MUC3A: variants seen among roughly 807,000 people sequenced by gnomAD.
MUC3A encodes mucin 3A, cell surface associated.
Under a neutral mutation model 109.0 loss-of-function variants are expected in MUC3A, and 109 were observed. The observed-to-expected ratio is 1.00, with a 90% CI of 0.86 to 1.17. The LOEUF (loss-of-function observed/expected upper bound fraction) is 1.17, where lower values mean the gene tolerates loss of function less well. Ranked by LOEUF, MUC3A falls within the 50% of genes most tolerant of loss-of-function variation. MUC3A has a pLI of 0.00. For missense variants in MUC3A, 3,537 were observed against 2,469.4 expected (o/e 1.43, Z -9.16); for synonymous variants, 1,398 against 981.4 (o/e 1.42, Z -7.93).
chr7:100,950,490 C>T (rs930452531), intron 1 of MUC3A, among the ~76,000 whole-genome samples: 1 of 150,854 alleles, frequency 6.6e-6, no homozygotes, highest in African/African-American at 2.4e-5. Context: ...ATCCTGGAGC[C>T]AAGGGCTGTA....
chr7:100,964,666 G>C, intron 5 of MUC3A, 29 bp from the exon 6 acceptor site: 1 of 1,580,884 alleles, frequency 6.3e-7, no homozygotes, highest in Non-Finnish European at 8.6e-7. Context: ...TCCTGGCTGG[G>C]GCACTCTCTA....
chr7:100,964,684 G>A lies in MUC3A; in HGVS notation c.9234-11G>A, dbSNP rs746423002. On this transcript the variant is annotated splice_polypyrimidine_tract_variant and intron_variant, in intron 5 of 11. Coordinates refer to ENST00000379458, the MANE Select transcript of MUC3A (RefSeq NM_005960.2). ...TGGCTGGGGCACTCTCTAAGGCTGT[G>A]GACCCCTCAGGAATGGCAGCATCGT... The A allele has an allele frequency of 4.2e-5, 67 of 1,597,450 alleles. No homozygotes were observed. In the Middle Eastern group the frequency reaches 8.3e-4, roughly 20 times the overall value.
rs1203245820 is a variant in MUC3A, at chr7:100,952,519, C to G, written c.740C>G (p.Thr247Ser). ...HTTTSPTPVFTTLKTAVTSTS... is the reference protein window; with the variant it reads ...HTTTSPTPVFSTLKTAVTSTS... Reference sequence around the variant, plus strand: ...ACCACGTCCCCAACCCCAGTATTTACTACTCTCAAAACAGCAGTGACTTCC... The same window carrying G: ...ACCACGTCCCCAACCCCAGTATTTAGTACTCTCAAAACAGCAGTGACTTCC... The change falls in exon 2 of 12, where the codon ACT (threonine) becomes AGT (serine). Residue 247 changes from threonine (T) to serine (S), a missense_variant. Coordinates refer to ENST00000379458, the MANE Select transcript of MUC3A (RefSeq NM_005960.2). 2 of 1,598,504 alleles carry G rather than the reference C, an allele frequency of 1.3e-6. No homozygotes were observed.
Position 100,965,285 on chromosome 7 carries a change from T to C in MUC3A, c.9386T>C (p.Leu3129Pro). 6.3e-7 allele frequency: 1 copy of C among 1,599,108 alleles called. No individual in the cohort carries two copies. Among genetic ancestry groups the C allele is most frequent in the Non-Finnish European group, 8.5e-7 (1 of 1,179,676 alleles). Residue 3129 changes from leucine to proline, a missense_variant, in exon 7 of 12, where the codon CTG becomes CCG. Physicochemically the swap from Leu to Pro is moderately conservative, Grantham distance 98. Transcript: ENST00000379458. ...DVNSCQDSQT[L>P]CFKPDSIKVN... The stretch of plus-strand genomic sequence containing the variant: ...ATCTGTGCCTGTGTTTCCGCAGCCC[T>C]GTGTTTTAAGCCTGACTCCATCAAG...
chr7:100,961,026 C>A (rs1028446046), intron 3 of MUC3A, 89 bp downstream of exon 3: 58 of 1,585,406 alleles, frequency 3.7e-5, no homozygotes, highest in Non-Finnish European at 4.9e-5. Flanking sequence ...GGCCTGGAGG[C>A]ACCCATGCCT....
chr7:100,964,094 A>G, intron 5 of MUC3A: 2 of 482,540 alleles, frequency 4.1e-6, no homozygotes, highest in Non-Finnish European at 3.7e-6. Flanking sequence ...AGAGAGGGAG[A>G]GAACGCACGT....
chr7:100,965,704 C>A lies in MUC3A; in HGVS notation c.9449C>A (p.Ala3150Asp). ...NNSKTELTPA[A>D]ICRRAAPTGY... ...GTGCATCCCCCTCCCCAACCCCCAG[C>A]CATCTGCCGCCGCGCCGCTCCCACG... is the stretch of plus-strand genomic sequence containing the variant. Residue 3150 changes from alanine to aspartate, a missense_variant and splice_region_variant, in exon 8 of 12, where the codon GCC becomes GAC. Physicochemically the swap from Ala to Asp is moderately radical, Grantham distance 126. Coordinates refer to ENST00000379458, the MANE Select transcript of MUC3A (RefSeq NM_005960.2). The A allele has an allele frequency of 6.3e-7, 1 of 1,596,378 alleles. No individual in the cohort carries two copies. The highest frequency in any genetic ancestry group is 8.5e-7 in the Non-Finnish European group (1 of 1,178,550).
chr7:100,959,274 A>C lies in MUC3A; in HGVS notation c.7495A>C (p.Thr2499Pro), dbSNP rs1272021372. 1 of 1,591,766 alleles carries C rather than the reference A, an allele frequency of 6.3e-7. No individual in the cohort carries two copies. Among genetic ancestry groups the C allele is most frequent in the African/African-American group, 1.3e-5 (1 of 75,018 alleles). ...AACTCTCACCCCTTCGTCTGTGGGC[A>C]CCAGCACTTCATTGACTACAACCAC... ...LRTLTPSSVG[T>P]STSLTTTTDF... is the part of the protein sequence containing the mutation. The change falls in exon 2 of 12, where the codon ACC (threonine) becomes CCC (proline). Residue 2499 changes from threonine to proline, a missense_variant. Transcript: ENST00000379458.
Position 100,960,179 on chromosome 7 carries a change from C to G in MUC3A, c.8400C>G (p.Thr2800=), listed in dbSNP as rs780279519. ...DPSTEATSPP[T]TPLTVFPFTT... Reference sequence around the variant, plus strand: ...GCACTGAAGCTACTTCTCCTCCCACCACCCCATTAACAGTCTTTCCCTTTA... The same window carrying G: ...GCACTGAAGCTACTTCTCCTCCCACGACCCCATTAACAGTCTTTCCCTTTA... The change falls in exon 2 of 12, where the codon ACC becomes ACG. Residue 2800 remains threonine, a synonymous_variant. Transcript: ENST00000379458. 116 of 1,581,688 alleles carry G rather than the reference C, an allele frequency of 7.3e-5. No individual in the cohort carries two copies. Among genetic ancestry groups the G allele is most frequent in the Admixed American group, 2.0e-4 (12 of 59,328 alleles).
chr7:100,966,826 A>G lies in MUC3A; in HGVS notation c.9878-73A>G, dbSNP rs587752496. 158 of 1,598,370 alleles carry G rather than the reference A, an allele frequency of 9.9e-5. No homozygotes were observed. The South Asian group carries it at 1.6e-3, about 16-fold the overall frequency. ...CAGACGCCCTCCCTGCCTTCCTCGC[A>G]TTTACTCCGTCCCCCTCTCCCTTCC... is the stretch of plus-strand genomic sequence containing the variant. On this transcript the variant is annotated intron_variant, in intron 10 of 11. Coordinates refer to ENST00000379458, the MANE Select transcript of MUC3A (RefSeq NM_005960.2).
In MUC3A at chr7:100,949,539, C is replaced by A. The variant is rs1011406886; in HGVS notation, c.-86C>A. ...CAGCAAAACCGATAACCAGCACTTTCATTACGTGCACGCCCCAGGGCCACG... is the reference window on the plus strand; with the variant it reads ...CAGCAAAACCGATAACCAGCACTTTAATTACGTGCACGCCCCAGGGCCACG... On this transcript the variant is annotated 5_prime_UTR_variant, in exon 1 of 12. Coordinates refer to ENST00000379458, the MANE Select transcript of MUC3A (RefSeq NM_005960.2). 8.5e-7 allele frequency: 1 copy of A among 1,172,844 alleles called. No homozygotes were observed. Among genetic ancestry groups the A allele is most frequent in the South Asian group, 1.4e-5 (1 of 69,380 alleles). 72.7% of individuals were successfully genotyped at this position (1,172,844 alleles called of 1,614,324 possible). A position where few individuals can be genotyped will look rare whatever the true frequency, so the allele number is the denominator to read the frequency against.
At position 100,951,997 on chromosome 7, in the gene MUC3A, A is replaced by G. The variant is rs779498766; in HGVS notation, c.218A>G (p.Asn73Ser). The G allele has an allele frequency of 1.3e-6, 2 of 1,598,662 alleles. No individual in the cohort carries two copies. The highest frequency in any genetic ancestry group is 1.7e-6 in the Non-Finnish European group (2 of 1,179,818). Residue 73 changes from asparagine (N) to serine (S), a missense_variant, in exon 2 of 12, where the codon AAT (asparagine) becomes AGT (serine). By Grantham distance (46) the Asn-to-Ser change is conservative (BLOSUM62 1). Coordinates refer to ENST00000379458, the MANE Select transcript of MUC3A (RefSeq NM_005960.2). ...TCTCCTGCTCCTGGCCACAGGGAAAATGCACCTATGACACTCACTACCTCC... is the reference window on the plus strand; with the variant it reads ...TCTCCTGCTCCTGGCCACAGGGAAAGTGCACCTATGACACTCACTACCTCC... ...LASPAPGHRE[N>S]APMTLTTSPH... is the part of the protein sequence containing the mutation.
chr7:100,963,056 G>A, intron 3 of MUC3A, 95 bp from the exon 4 acceptor site: 2 of 1,384,244 alleles, frequency 1.4e-6, no homozygotes, highest in Non-Finnish European at 2.0e-6. Flanking sequence ...TTGGAGGGGA[G>A]CAGCAGGAGG....
Position 100,954,582 on chromosome 7 carries a change from A to G in MUC3A, c.2803A>G (p.Ser935Gly). 2.5e-6 allele frequency: 1 copy of G among 401,148 alleles called. No homozygotes were observed. Among genetic ancestry groups the G allele is most frequent in the Non-Finnish European group, 4.4e-6 (1 of 227,898 alleles). 24.8% of individuals were successfully genotyped at this position (401,148 alleles called of 1,614,324 possible). The stretch of plus-strand genomic sequence containing the variant: ...TATCTCCTCACCTCGAGGCACCACC[A>G]GTACACTCCACACAACAGTTGAATC... ...ESISSPRGTT[S>G]TLHTTVESTP... is the part of the protein sequence containing the mutation. Residue 935 changes from serine (S) to glycine (G), a missense_variant, in exon 2 of 12, where the codon AGT becomes GGT. By Grantham distance (56) the Ser-to-Gly change is moderately conservative (BLOSUM62 0). Transcript: ENST00000379458.
chr7:100,957,891 C>A lies in MUC3A; in HGVS notation c.6112C>A (p.His2038Asn). The A allele has an allele frequency of 1.5e-6, 1 of 659,850 alleles. No individual in the cohort carries two copies. Among genetic ancestry groups the A allele is most frequent in the South Asian group, 1.7e-5 (1 of 58,236 alleles). The allele number at this position is 659,850 out of a possible 1,614,324, so 40.9% of individuals were successfully genotyped here. The change falls in exon 2 of 12, where the codon CAT becomes AAT. Residue 2038 changes from histidine to asparagine, a missense_variant. Transcript: ENST00000379458. ...GATCACAACCACCGAGACCACATCC[C>A]ATAGTACTCCCAGCTTCACTTCTTC... ...SSITTTETTSHSTPSFTSSIT... is the reference protein window; with the variant it reads ...SSITTTETTSNSTPSFTSSIT...
rs1460074369 is a variant in MUC3A, at chr7:100,958,190, C to T, written c.6411C>T (p.Ala2137=). 3.1e-6 allele frequency: 1 copy of T among 318,446 alleles called. No individual in the cohort carries two copies. Among genetic ancestry groups the T allele is most frequent in the Admixed American group, 6.1e-5 (1 of 16,490 alleles). The allele number at this position is 318,446 out of a possible 1,614,324, so 19.7% of individuals were successfully genotyped here. Residue 2137 remains alanine, a synonymous_variant, in exon 2 of 12, where the codon GCC becomes GCT. Transcript: ENST00000379458. The part of the protein sequence containing the change: ...FTSSITTTEN[A]THSTPNFTSS... ...CTTCGATCACCACCACTGAGAACGCCACACACAGTACTCCCAACTTCACTT... is the reference window on the plus strand; with the variant it reads ...CTTCGATCACCACCACTGAGAACGCTACACACAGTACTCCCAACTTCACTT...
rs2116177894 is a variant in MUC3A, at chr7:100,956,791, G to A, written c.5012G>A (p.Ser1671Asn). Residue 1671 changes from serine (S) to asparagine (N), a missense_variant, in exon 2 of 12, where the codon AGT becomes AAT. Transcript: ENST00000379458. ...TTTTCCTCTTCCATGTCTGCCAGCAGTGTAGGGACCACTCACACCCAGAGT... is the reference window on the plus strand; with the variant it reads ...TTTTCCTCTTCCATGTCTGCCAGCAATGTAGGGACCACTCACACCCAGAGT... ...HSFSSSMSASSVGTTHTQSIS... is the reference protein window; with the variant it reads ...HSFSSSMSASNVGTTHTQSIS... The A allele has an allele frequency of 2.4e-6, 1 of 414,706 alleles. No individual in the cohort carries two copies. The highest frequency in any genetic ancestry group is 4.2e-6 in the Non-Finnish European group (1 of 237,504). 25.7% of individuals were successfully genotyped at this position (414,706 alleles called of 1,614,324 possible). A position where few individuals can be genotyped will look rare whatever the true frequency, so the allele number is the denominator to read the frequency against.
In MUC3A at chr7:100,966,718, CTG is replaced by C; in HGVS notation, c.9853_9854del (p.Trp3285GlyfsTer118). On this transcript the variant is annotated frameshift_variant, in exon 10 of 12. Coordinates refer to ENST00000379458, the MANE Select transcript of MUC3A (RefSeq NM_005960.2). LOFTEE classifies it high-confidence loss of function. The part of the protein sequence containing the change: ...DEEVVGTFSN[W>X]GFEDDGTDKD... Reference sequence around the variant, plus strand: ...AGGAAGTCGTGGGCACTTTTTCAAACTGGGGTTTCGAGGACGACGGAACAGGT... The same window carrying C: ...AGGAAGTCGTGGGCACTTTTTCAAACGGGTTTCGAGGACGACGGAACAGGT... 6.3e-7 allele frequency: 1 copy of C among 1,598,550 alleles called. No homozygotes were observed. Among genetic ancestry groups the C allele is most frequent in the Non-Finnish European group, 8.5e-7 (1 of 1,179,832 alleles).
rs998040070 is a variant in MUC3A, at chr7:100,953,834, C to G, written c.2055C>G (p.Asn685Lys). The G allele has an allele frequency of 2.3e-6, 1 of 430,214 alleles. No individual in the cohort carries two copies. The highest frequency in any genetic ancestry group is 4.3e-5 in the Admixed American group (1 of 23,404). The allele number at this position is 430,214 out of a possible 1,614,324, so 26.6% of individuals were successfully genotyped here. A position where few individuals can be genotyped will look rare whatever the true frequency, so the allele number is the denominator to read the frequency against. ...STEVVTSGTI[N>K]TIPPSILVTT... The stretch of plus-strand genomic sequence containing the variant: ...AAGTAGTCACCAGTGGCACCATAAA[C>G]ACAATCCCTCCATCTATCTTGGTGA... The change falls in exon 2 of 12, where the codon AAC becomes AAG. Residue 685 changes from asparagine to lysine, a missense_variant. Asn to Lys is a moderately conservative substitution (Grantham distance 94). Transcript: ENST00000379458.
Sources: allele counts gnomAD v4.1 joint callset (sites outside exome capture counted in the v4.1 genomes callset), GRCh38; gene constraint gnomAD v4.1.1; transcripts MANE v1.5; gene names NCBI Gene and HGNC (gene_info 2026-07-23, HGNC 2026-07-21).